IL2RA: variants seen among roughly 807,000 people sequenced by gnomAD.
IL2RA encodes the protein interleukin-2 receptor subunit alpha.
Under a neutral mutation model 37.8 loss-of-function variants are expected in IL2RA, and 24 were observed. That is an observed-to-expected ratio of 0.63 (90% CI 0.46 to 0.89). IL2RA has a LOEUF of 0.89. IL2RA is among the 40% of genes least tolerant of loss of function. The probability of loss-of-function intolerance (pLI) is 0.00; values close to 1 mark genes in which losing one functional copy is unlikely to be tolerated. For missense variants in IL2RA, 319 were observed against 348.6 expected (o/e 0.92, Z 0.68); for synonymous variants, 125 against 114.6 (o/e 1.09, Z -0.58).
In IL2RA at chr10:6,046,205, G is replaced by A. The variant is rs980726905; in HGVS notation, c.64+15883C>T. 6.6e-6 allele frequency among the ~76,000 whole-genome samples: 1 copy of A among 152,130 alleles called. No individual in the cohort carries two copies. The highest frequency in any genetic ancestry group is 1.5e-5 in the Non-Finnish European group (1 of 68,036). On this transcript the variant is annotated intron_variant, in intron 1 of 7. Transcript: ENST00000379959. This position sits in a 1 kb window ranked among gnomAD's most constrained non-coding sequence, Gnocchi z 4.8. ...CACATTGCATACACTGTGTGTTGTT[G>A]ACAGGGATCATGCCTTTTCACAGAC...
At chr10:6,034,006 A>G (rs1413430385) in intron 1 of IL2RA, among the ~76,000 whole-genome samples, 1 of 152,240 alleles carries the variant, frequency 6.6e-6, no homozygotes, top group Non-Finnish European at 1.5e-5. Context: ...TGAGATGTCA[A>G]TCACAAGCCA....
chr10:6,042,289 TGAA>T (rs1839785045), intron 1 of IL2RA, among the ~76,000 whole-genome samples: 1 of 151,684 alleles, frequency 6.6e-6, no homozygotes, highest in African/African-American at 2.4e-5. Context: ...TTTTAATAGA[TGAA>T]GAAGAGCATC....
intron 1 of IL2RA, among the ~76,000 whole-genome samples, chr10:6,037,360 C>T (rs1417046531): frequency 6.6e-6 from 1 of 152,118 alleles, no homozygotes; most frequent in Non-Finnish European, 1.5e-5. Flanking sequence ...AAGATGTGGA[C>T]CGAGTCTGAG....
Position 6,054,449 on chromosome 10 carries a change from A to G in IL2RA, c.64+7639T>C, listed in dbSNP as rs1275472735. On this transcript the variant is annotated intron_variant, in intron 1 of 7. Coordinates refer to ENST00000379959, the MANE Select transcript of IL2RA (RefSeq NM_000417.3). This position sits in a 1 kb window ranked among gnomAD's most constrained non-coding sequence, Gnocchi z 4.5. ...ACACCTGTAGACACTGCAGGGTTGA[A>G]GCTGGGGGAGAAGCACTCACATGCT... is the stretch of plus-strand genomic sequence containing the variant. Among the ~76,000 whole-genome samples the G allele has an allele frequency of 3.9e-5, 6 of 152,190 alleles. No homozygotes were observed. Among genetic ancestry groups the G allele is most frequent in the Admixed American group, 3.9e-4 (6 of 15,286 alleles).
In IL2RA at chr10:6,048,811, G is replaced by A. The variant is rs1839904802; in HGVS notation, c.64+13277C>T. On this transcript the variant is annotated intron_variant, in intron 1 of 7. Coordinates refer to ENST00000379959, the MANE Select transcript of IL2RA (RefSeq NM_000417.3). The surrounding 1 kb of genome is among the most constrained non-coding windows in gnomAD (Gnocchi z 5.3). ...GACTGAGACCCCTCTGGGATGTTCT[G>A]TTCCTTCCAGGACACAGTTTAAGCC... 6.6e-6 allele frequency among the ~76,000 whole-genome samples: 1 copy of A among 152,172 alleles called. No homozygotes were observed. Among genetic ancestry groups the A allele is most frequent in the African/African-American group, 2.4e-5 (1 of 41,442 alleles).
At position 6,021,635 on chromosome 10, in the gene IL2RA, G is replaced by A. The variant is rs763915787; in HGVS notation, c.426C>T (p.Phe142=). 1.1e-5 allele frequency: 17 copies of A among 1,613,978 alleles called. No homozygotes were observed. The highest frequency in any genetic ancestry group is 6.7e-5 in the East Asian group (3 of 44,880). Reference sequence around the variant, plus strand: ...GATAATAAACCATCTGCCCCACCACGAAATGATAAATTCTCTCTGTGGCTT... The same window carrying A: ...GATAATAAACCATCTGCCCCACCACAAAATGATAAATTCTCTCTGTGGCTT... ...ENEATERIYH[F]VVGQMVYYQC... The change falls in exon 4 of 8, where the codon TTC becomes TTT. Residue 142 remains phenylalanine (F), a synonymous_variant. Transcript: ENST00000379959. This position sits in a 1 kb window ranked among gnomAD's most constrained non-coding sequence, Gnocchi z 4.9.
rs531552866 is a variant in IL2RA at position 6,056,908 on chromosome 10, G to A, written c.64+5180C>T. On this transcript the variant is annotated intron_variant, in intron 1 of 7. Transcript: ENST00000379959. This position sits in a 1 kb window ranked among gnomAD's most constrained non-coding sequence, Gnocchi z 5.0. ...AAGCAAACAAACAGCAGAGGACCCC[G>A]CCCTCCCTGTCCAGGGCAGGAGCAC... Among the ~76,000 whole-genome samples the A allele has an allele frequency of 2.6e-5, 4 of 152,216 alleles. No individual in the cohort carries two copies. Among genetic ancestry groups the A allele is most frequent in the African/African-American group, 4.8e-5 (2 of 41,528 alleles).
In IL2RA at chr10:6,021,217, G is replaced by A. The variant is rs1839380799; in HGVS notation, c.583+261C>T. ...CAGCATCTAGGGTGCTTAGGAGAGG[G>A]CTTTCCTTCTCTTCTGTCTCCAACC... On this transcript the variant is annotated intron_variant, in intron 4 of 7. Transcript: ENST00000379959. The surrounding 1 kb of genome is among the most constrained non-coding windows in gnomAD (Gnocchi z 4.9). Among the ~76,000 whole-genome samples, 1 of 152,102 alleles carries A rather than the reference G, an allele frequency of 6.6e-6. No individual in the cohort carries two copies. Among genetic ancestry groups the A allele is most frequent in the Non-Finnish European group, 1.5e-5 (1 of 68,006 alleles).
chr10:6,041,232 A>G (rs1018482289), intron 1 of IL2RA, among the ~76,000 whole-genome samples: 82 of 149,154 alleles, frequency 5.5e-4, no homozygotes, highest in African/African-American at 1.9e-3. Flanking sequence ...ATTCTGCCTC[A>G]GTCTCCCGAG....
chr10:6,021,033 GGGAA>G lies in IL2RA; in HGVS notation c.583+441_583+444del, dbSNP rs1043100015. Among the ~76,000 whole-genome samples, 5 of 152,066 alleles carry G rather than the reference GGGAA, an allele frequency of 3.3e-5. No individual in the cohort carries two copies. The highest frequency in any genetic ancestry group is 1.2e-4 in the African/African-American group (5 of 41,396). On this transcript the variant is annotated intron_variant, in intron 4 of 7. Coordinates refer to ENST00000379959, the MANE Select transcript of IL2RA (RefSeq NM_000417.3). This position sits in a 1 kb window ranked among gnomAD's most constrained non-coding sequence, Gnocchi z 4.9. ...AAGCTCAGCTGGGGAATGGCACAAG[GGGAA>G]GGAACATGCTGACCGTGGAGGGCTG...
At position 6,062,204 on chromosome 10, in the gene IL2RA, A is replaced by G; in HGVS notation, c.-53T>C. 6.7e-7 allele frequency: 1 copy of G among 1,482,212 alleles called. No individual in the cohort carries two copies. The highest frequency in any genetic ancestry group is 9.4e-7 in the Non-Finnish European group (1 of 1,060,064). The allele number at this position is 1,482,212 out of a possible 1,614,324, so 91.8% of individuals were successfully genotyped here. A position where few individuals can be genotyped will look rare whatever the true frequency, so the allele number is the denominator to read the frequency against. Reference sequence around the variant, plus strand: ...CAGTGAAGCGGAGGTCTTTCTCTGCAGAAGGCCCAGTTGCCGTCAGCCTCT... The same window carrying G: ...CAGTGAAGCGGAGGTCTTTCTCTGCGGAAGGCCCAGTTGCCGTCAGCCTCT... On this transcript the variant is annotated 5_prime_UTR_variant, in exon 1 of 8. Coordinates refer to ENST00000379959, the MANE Select transcript of IL2RA (RefSeq NM_000417.3).
intron 1 of IL2RA, among the ~76,000 whole-genome samples, chr10:6,040,713 C>T (rs1408086033): frequency 1.3e-5 from 2 of 152,082 alleles, no homozygotes; most frequent in African/African-American, 4.8e-5. Context: ...TTTCTCACTC[C>T]AATTGACTTT....
Position 6,056,180 on chromosome 10 carries a change from T to C in IL2RA, c.64+5908A>G, listed in dbSNP as rs1451352797. ...CAGTGGGGGCTATTGGCAAACACTG[T>C]TGGCTGACTTCAGAATGGGAGCCAT... On this transcript the variant is annotated intron_variant, in intron 1 of 7. Coordinates refer to ENST00000379959, the MANE Select transcript of IL2RA (RefSeq NM_000417.3). The surrounding 1 kb of genome is among the most constrained non-coding windows in gnomAD (Gnocchi z 5.0). Among the ~76,000 whole-genome samples, 1 of 152,198 alleles carries C rather than the reference T, an allele frequency of 6.6e-6. No individual in the cohort carries two copies. The highest frequency in any genetic ancestry group is 1.5e-5 in the Non-Finnish European group (1 of 68,032).
rs1379341037 is a variant in IL2RA, at chr10:6,025,636, C to G, written c.256+198G>C. 6.7e-6 allele frequency among the ~76,000 whole-genome samples: 1 copy of G among 149,590 alleles called. No homozygotes were observed. The highest frequency in any genetic ancestry group is 2.5e-5 in the African/African-American group (1 of 40,518). ...GCGTGCCATTGCACTCCAGCCTAGG[C>G]AACAGAGTGAGAGTCTGTCTCCAAA... On this transcript the variant is annotated intron_variant, in intron 2 of 7. Transcript: ENST00000379959. The surrounding 1 kb of genome is among the most constrained non-coding windows in gnomAD (Gnocchi z 4.4).
rs931120797 is a variant in IL2RA, at chr10:6,048,697, C to T, written c.64+13391G>A. Among the ~76,000 whole-genome samples the T allele has an allele frequency of 6.6e-6, 1 of 152,236 alleles. No individual in the cohort carries two copies. The highest frequency in any genetic ancestry group is 2.4e-5 in the African/African-American group (1 of 41,460). ...ATGGGTTTGCCTTTCTGCTTCCCTT[C>T]ATTCTTCACATAAACCCAGTGCTTT... On this transcript the variant is annotated intron_variant, in intron 1 of 7. Coordinates refer to ENST00000379959, the MANE Select transcript of IL2RA (RefSeq NM_000417.3). This position sits in a 1 kb window ranked among gnomAD's most constrained non-coding sequence, Gnocchi z 5.3.
At chr10:6,053,162 T>TAGC (rs1358975062) in intron 1 of IL2RA, among the ~76,000 whole-genome samples, 2 of 152,234 alleles carry the variant, frequency 1.3e-5, no homozygotes, top group Non-Finnish European at 2.9e-5. Flanking sequence ...CTTTGACCTT[T>TAGC]AGCAGCAGTT....
chr10:6,045,855 T>A lies in IL2RA; in HGVS notation c.64+16233A>T, dbSNP rs529848867. On this transcript the variant is annotated intron_variant, in intron 1 of 7. Transcript: ENST00000379959. ...AGAATAAGTAAGTATAACTTACAGGTAGAAACTTGACAAGAGGGAAACAGA... is the reference window on the plus strand; with the variant it reads ...AGAATAAGTAAGTATAACTTACAGGAAGAAACTTGACAAGAGGGAAACAGA... Among the ~76,000 whole-genome samples the A allele has an allele frequency of 9.2e-5, 14 of 152,154 alleles. No individual in the cohort carries two copies. The South Asian group carries it at 2.7e-3, about 29-fold the overall frequency.
intron 7 of IL2RA, among the ~76,000 whole-genome samples, chr10:6,013,555 C>T (rs947846524): frequency 4.6e-5 from 7 of 152,292 alleles, no homozygotes; most frequent in African/African-American, 1.4e-4. Context: ...TAACAAGCAG[C>T]TCTCTGATGA....
chr10:6,020,174 G>T lies in IL2RA; in HGVS notation c.584-233C>A, dbSNP rs1404108313. On this transcript the variant is annotated intron_variant, in intron 4 of 7. Transcript: ENST00000379959. This position sits in a 1 kb window ranked among gnomAD's most constrained non-coding sequence, Gnocchi z 5.6. ...CTGAATTCTAACTCTGACCCTAGCT[G>T]TCCCCAAAACTCTGAGCAATGCTTT... Among the ~76,000 whole-genome samples the T allele has an allele frequency of 6.6e-6, 1 of 152,162 alleles. No individual in the cohort carries two copies. The highest frequency in any genetic ancestry group is 1.5e-5 in the Non-Finnish European group (1 of 68,026).
Sources: gnomAD v4.1 joint callset for allele counts (sites outside exome capture counted in the v4.1 genomes callset) on GRCh38, gnomAD v4.1.1 for gene constraint, Gnocchi (gnomAD v3.1) non-coding constraint, MANE v1.5 for transcripts, NCBI Gene and HGNC (gene_info 2026-07-23, HGNC 2026-07-21) for gene names.